Variants in DLC1 observed in about 807,000 individuals in gnomAD.
The protein encoded by DLC1 is rho GTPase-activating protein 7.
DLC1 carries 54 observed loss-of-function variants against 140.3 expected under a neutral mutation model. That is an observed-to-expected ratio of 0.38 (90% CI 0.31 to 0.48). The LOEUF is 0.48. Ranked by LOEUF, DLC1 falls within the 20% of genes least tolerant of loss-of-function variation. The pLI is 0.96. For missense variants in DLC1, 2,536 were observed against 1,907.0 expected, an observed-to-expected ratio of 1.33 and a Z score of -6.14; for synonymous variants, 986 against 728.1, an observed-to-expected ratio of 1.35 and a Z score of -5.70.
chr8:13,411,861 T>C (rs1392912201), intron 2 of DLC1, among the ~76,000 whole-genome samples: 1 of 151,860 alleles, frequency 6.6e-6, no homozygotes, highest in Admixed American at 6.6e-5. Flanking sequence ...CCTCTTCACA[T>C]TTTTTTTAGT....
chr8:13,122,952 C>T (rs1821223917), intron 5 of DLC1, among the ~76,000 whole-genome samples: 2 of 152,194 alleles, frequency 1.3e-5, no homozygotes, highest in Admixed American at 6.5e-5. Flanking sequence ...AATCATCCTA[C>T]ATTTTCCCTT....
At chr8:13,448,810 C>A (rs928945739) in intron 2 of DLC1, among the ~76,000 whole-genome samples, 2 of 151,950 alleles carry the variant, frequency 1.3e-5, no homozygotes, top group Admixed American at 6.6e-5. Context: ...TAGGTCATTT[C>A]TAATATACGG....
intron 1 of DLC1, among the ~76,000 whole-genome samples, chr8:13,570,509 T>C (rs1051130008): frequency 8.1e-5 from 11 of 134,998 alleles, no homozygotes; most frequent in African/African-American, 2.5e-4. Context: ...TGTGATCTCA[T>C]TGTTCAATTC....
chr8:13,350,269 T>C (rs1424388606), intron 4 of DLC1, among the ~76,000 whole-genome samples: 5 of 152,300 alleles, frequency 3.3e-5, no homozygotes, highest in Admixed American at 2.6e-4. Context: ...CTCGATATCA[T>C]TTAGCGTTCT....
At chr8:13,532,199 C>T (rs749421806) in intron 1 of DLC1, among the ~76,000 whole-genome samples, 9 of 152,114 alleles carry the variant, frequency 5.9e-5, no homozygotes, top group Non-Finnish European at 8.8e-5. Context: ...GAGCCCAGGA[C>T]GTTGAGGTTG....
chr8:13,207,747 G>T (rs139828578), intron 5 of DLC1, among the ~76,000 whole-genome samples: 4 of 152,226 alleles, frequency 2.6e-5, no homozygotes, highest in Admixed American at 1.3e-4. Context: ...CCTGGGGGAG[G>T]TACTGCCGAC....
At position 13,497,700 on chromosome 8, in the gene DLC1, C is replaced by T. The variant is rs79287606; in HGVS notation, c.1023+1349G>A. ...TATGCCATAGGTCAGTTAATACTGT[C>T]TTATGTCATTACAGCATTCCCTCAA... On this transcript the variant is annotated intron_variant, in intron 2 of 17. Coordinates refer to ENST00000276297, the MANE Select transcript of DLC1 (RefSeq NM_182643.3). 3.4e-3 allele frequency among the ~76,000 whole-genome samples: 511 copies of T among 152,206 alleles called. 3 individuals carry two copies. The highest frequency in any genetic ancestry group is 0.012 in the African/African-American group (498 of 41,536).
At chr8:13,524,030 G>A (rs367726180) in intron 1 of DLC1, among the ~76,000 whole-genome samples, 75 of 151,602 alleles carry the variant, frequency 4.9e-4, no homozygotes, top group Middle Eastern at 3.4e-3. Flanking sequence ...ATGTGAAAAT[G>A]TCAGTGGATA....
At chr8:13,378,027 G>A (rs1368042081) in intron 4 of DLC1, among the ~76,000 whole-genome samples, 1 of 150,356 alleles carries the variant, frequency 6.7e-6, no homozygotes, top group Non-Finnish European at 1.5e-5. Context: ...TGTTAATGAT[G>A]TTACTATTTT....
At chr8:13,279,326 A>G (rs537506333) in intron 5 of DLC1, among the ~76,000 whole-genome samples, 25 of 152,332 alleles carry the variant, frequency 1.6e-4, no homozygotes, top group African/African-American at 6.0e-4. Flanking sequence ...CACTTTCTCT[A>G]GGACAATACT....
intron 5 of DLC1, among the ~76,000 whole-genome samples, chr8:13,223,157 G>A (rs764140476): frequency 1.4e-4 from 21 of 152,228 alleles, no homozygotes; most frequent in Non-Finnish European, 1.3e-4. Context: ...AACGGAGAGA[G>A]TAACACTGTA....
intron 2 of DLC1, among the ~76,000 whole-genome samples, chr8:13,464,766 T>TTATATATA (rs1299837929): frequency 5.3e-4 from 4 of 7,548 alleles, no homozygotes; most frequent in African/African-American, 1.2e-3. Context: ...ATATATATAT[T>TTATATATA]TATATATATA....
At chr8:13,179,991 C>T (rs774962904) in intron 5 of DLC1, among the ~76,000 whole-genome samples, 25 of 152,052 alleles carry the variant, frequency 1.6e-4, no homozygotes, top group Non-Finnish European at 2.6e-4. Flanking sequence ...CTCTTTAAAA[C>T]GTGAACACAT....
chr8:13,182,319 G>A (rs1334238924), intron 5 of DLC1, among the ~76,000 whole-genome samples: 1 of 151,974 alleles, frequency 6.6e-6, no homozygotes, highest in African/African-American at 2.4e-5. Flanking sequence ...AAGCTCTTTA[G>A]TTTAATTAGA....
In DLC1 at chr8:13,454,033, G is replaced by A. The variant is rs536183855; in HGVS notation, c.1023+45016C>T. On this transcript the variant is annotated intron_variant, in intron 2 of 17. Transcript: ENST00000276297. ...TTCTCATGGTTAAATGGCAAAATTC[G>A]CATGTTTTAATTGCCACTGTACTGG... Among the ~76,000 whole-genome samples the A allele has an allele frequency of 7.2e-5, 11 of 152,076 alleles. No individual in the cohort carries two copies. The South Asian group carries it at 1.0e-3, about 14-fold the overall frequency.
chr8:13,554,788 T>C (rs543123348), intron 1 of DLC1, among the ~76,000 whole-genome samples: 1 of 152,302 alleles, frequency 6.6e-6, no homozygotes, highest in South Asian at 2.1e-4. Flanking sequence ...CCACTCACAA[T>C]CTGAAGTCTA....
chr8:13,098,034 GAAA>G (rs35785512), intron 10 of DLC1, among the ~76,000 whole-genome samples: 10 of 68,422 alleles, frequency 1.5e-4, no homozygotes, highest in South Asian at 8.8e-4. Context: ...AAGGAAAAAA[GAAA>G]AAAAAAAAAA....
At chr8:13,138,795 T>G (rs752115242) in intron 5 of DLC1, among the ~76,000 whole-genome samples, 2 of 152,176 alleles carry the variant, frequency 1.3e-5, no homozygotes, top group Non-Finnish European at 2.9e-5. Context: ...TCAGAATTTG[T>G]CAAAACCCAA....
At chr8:13,496,628 T>G (rs1172986674) in intron 2 of DLC1, among the ~76,000 whole-genome samples, 1 of 151,842 alleles carries the variant, frequency 6.6e-6, no homozygotes, top group Non-Finnish European at 1.5e-5. Flanking sequence ...ACATTAAGAT[T>G]TGGCTGTCTA....
Sources: allele counts gnomAD v4.1 joint callset (sites outside exome capture counted in the v4.1 genomes callset), GRCh38; gene constraint gnomAD v4.1.1; transcripts MANE v1.5; gene names NCBI Gene and HGNC (gene_info 2026-07-23, HGNC 2026-07-21).